Variants in CNTN5 observed in about 807,000 individuals in gnomAD.
CNTN5 encodes the protein contactin-5.
Under a neutral mutation model 129.1 loss-of-function variants are expected in CNTN5, and 77 were observed. That is an observed-to-expected ratio of 0.60 (90% CI 0.50 to 0.72). CNTN5 has a LOEUF of 0.72. CNTN5 is among the 30% of genes least tolerant of loss of function. The pLI is 0.00. For missense variants in CNTN5, 1,478 were observed against 1,328.8 expected, an observed-to-expected ratio of 1.11 and a Z score of -1.75; for synonymous variants, 509 against 465.6, an observed-to-expected ratio of 1.09 and a Z score of -1.20.
Position 99,813,712 on chromosome 11 carries a change from T to A in CNTN5, c.56-5832T>A, listed in dbSNP as rs142812727. 2.4e-3 allele frequency among the ~76,000 whole-genome samples: 371 copies of A among 152,200 alleles called. 5 individuals are homozygous for A. The highest frequency in any genetic ancestry group is 0.019 in the South Asian group (90 of 4,826). ...GAACTAGAAAAGGAGATAAAAAGTT[T>A]CCAGTGAAATAGGGATAAAGACATA... On this transcript the variant is annotated intron_variant, in intron 3 of 24. Coordinates refer to ENST00000524871, the MANE Select transcript of CNTN5 (RefSeq NM_014361.4).
At chr11:99,379,815 C>T (rs190793979) in intron 2 of CNTN5, among the ~76,000 whole-genome samples, 34 of 152,080 alleles carry the variant, frequency 2.2e-4, no homozygotes, top group African/African-American at 8.0e-4. Context: ...AACATTTTGG[C>T]CAGGAACAGT....
intron 8 of CNTN5, among the ~76,000 whole-genome samples, chr11:99,967,210 T>C (rs1951118094): frequency 6.6e-6 from 1 of 152,164 alleles, no homozygotes; most frequent in Admixed American, 6.6e-5. Flanking sequence ...AGGAACAGAA[T>C]GTCATACCAT....
At chr11:99,760,269 T>C (rs1045202160) in intron 3 of CNTN5, among the ~76,000 whole-genome samples, 1 of 152,166 alleles carries the variant, frequency 6.6e-6, no homozygotes, top group Non-Finnish European at 1.5e-5. Flanking sequence ...TTCAGTGACC[T>C]GTGTCACAGA....
chr11:99,035,430 C>T (rs1258609836), intron 1 of CNTN5, among the ~76,000 whole-genome samples: 1 of 152,078 alleles, frequency 6.6e-6, no homozygotes, highest in African/African-American at 2.4e-5. Flanking sequence ...TCACTCAGGA[C>T]TTGCTTTATG....
chr11:99,531,318 A>G (rs1168541930), intron 2 of CNTN5, among the ~76,000 whole-genome samples: 1 of 152,196 alleles, frequency 6.6e-6, no homozygotes, highest in Non-Finnish European at 1.5e-5. Context: ...GAACTTTTTA[A>G]GCAGCAAAGC....
chr11:100,262,330 A>G (rs949454200), intron 17 of CNTN5, among the ~76,000 whole-genome samples: 4 of 152,238 alleles, frequency 2.6e-5, no homozygotes, highest in African/African-American at 9.6e-5. Flanking sequence ...GAATACTTTT[A>G]CACTGTTGAT....
At chr11:99,190,872 G>A (rs540291280) in intron 1 of CNTN5, among the ~76,000 whole-genome samples, 12 of 151,448 alleles carry the variant, frequency 7.9e-5, no homozygotes, top group Admixed American at 6.6e-4. Flanking sequence ...AGAACATCTA[G>A]GATTATGTTG....
chr11:99,383,983 A>G (rs1940765028), intron 2 of CNTN5, among the ~76,000 whole-genome samples: 1 of 152,186 alleles, frequency 6.6e-6, no homozygotes, highest in Admixed American at 6.5e-5. Flanking sequence ...AGTATTAAAA[A>G]GACCAGGAGG....
intron 7 of CNTN5, among the ~76,000 whole-genome samples, chr11:99,945,568 C>G (rs1950537800): frequency 6.6e-6 from 1 of 150,646 alleles, no homozygotes; most frequent in African/African-American, 2.4e-5. Context: ...TACTATATAC[C>G]TGAAATAATG....
rs970844591 is a variant in CNTN5 at position 100,067,026 on chromosome 11, C to T, written c.1163-3398C>T. Among the ~76,000 whole-genome samples the T allele has an allele frequency of 6.6e-5, 10 of 151,822 alleles. No homozygotes were observed. In the Admixed American group the frequency reaches 6.6e-4, roughly 10 times the overall value. On this transcript the variant is annotated intron_variant, in intron 10 of 24. Transcript: ENST00000524871. ...TAAAAATTTTACCACTGCCCTTTCA[C>T]ATAATGTTTTTTGCCTCGGACCATA...
intron 9 of CNTN5, among the ~76,000 whole-genome samples, chr11:100,039,588 C>T (rs1023319087): frequency 2.0e-5 from 3 of 152,318 alleles, no homozygotes; most frequent in South Asian, 4.1e-4. Context: ...CCATTCTCCC[C>T]GTCACTTTCA....
intron 1 of CNTN5, among the ~76,000 whole-genome samples, chr11:99,153,144 A>T (rs1298261852): frequency 9.2e-5 from 14 of 152,144 alleles, no homozygotes; most frequent in Admixed American, 9.2e-4. Context: ...CTTGTATAGT[A>T]TCTCATAGGG....
chr11:99,336,330 C>T (rs889062327), intron 2 of CNTN5, among the ~76,000 whole-genome samples: 9 of 152,030 alleles, frequency 5.9e-5, no homozygotes, highest in African/African-American at 1.9e-4. Context: ...TGGCCTCAAA[C>T]GGGTATGCCA....
chr11:99,102,474 C>T (rs1488879441), intron 1 of CNTN5, among the ~76,000 whole-genome samples: 6 of 152,100 alleles, frequency 3.9e-5, no homozygotes, highest in Non-Finnish European at 7.4e-5. Context: ...ATTAACAGCA[C>T]CTAAGTAACC....
At chr11:100,112,519 T>C (rs1945689244) in intron 13 of CNTN5, among the ~76,000 whole-genome samples, 1 of 152,124 alleles carries the variant, frequency 6.6e-6, no homozygotes, top group Non-Finnish European at 1.5e-5. Context: ...CCTTATAAAT[T>C]AGTCTGGTGT....
At chr11:99,530,049 T>C (rs1183927976) in intron 2 of CNTN5, among the ~76,000 whole-genome samples, 1 of 152,190 alleles carries the variant, frequency 6.6e-6, no homozygotes, top group Non-Finnish European at 1.5e-5. Flanking sequence ...TTTGTATTTT[T>C]GGTACTTGTT....
At chr11:99,522,290 C>T (rs911389813) in intron 2 of CNTN5, among the ~76,000 whole-genome samples, 3 of 152,034 alleles carry the variant, frequency 2.0e-5, no homozygotes, top group Non-Finnish European at 4.4e-5. Flanking sequence ...ATGGAATTAG[C>T]AGATATTTAA....
intron 1 of CNTN5, among the ~76,000 whole-genome samples, chr11:99,235,258 T>C (rs1345301807): frequency 6.6e-6 from 1 of 151,918 alleles, no homozygotes; most frequent in Non-Finnish European, 1.5e-5. Flanking sequence ...AGATGAAGAA[T>C]AAAAAATAAA....
At chr11:99,212,527 CT>C (rs1373948416) in intron 1 of CNTN5, among the ~76,000 whole-genome samples, 1 of 152,130 alleles carries the variant, frequency 6.6e-6, no homozygotes, top group Non-Finnish European at 1.5e-5. Flanking sequence ...TATTCTACTT[CT>C]TTTAGCTTCC....
Sources: allele counts gnomAD v4.1 joint callset (sites outside exome capture counted in the v4.1 genomes callset), GRCh38; gene constraint gnomAD v4.1.1; transcripts MANE v1.5; gene names NCBI Gene and HGNC (gene_info 2026-07-23, HGNC 2026-07-21).